Variants in CGNL1 observed in about 807,000 individuals in gnomAD.
CGNL1 encodes cingulin-like protein 1.
In CGNL1, 132 loss-of-function variants were observed where a neutral mutation model predicts 141.2. The observed-to-expected ratio is 0.93, with a 90% CI of 0.81 to 1.08. The LOEUF is 1.08. CGNL1 is among the 50% of genes least tolerant of loss of function. The pLI is 0.00. For synonymous variants in CGNL1, 690 were observed against 622.1 expected (o/e 1.11, Z -1.63); for missense variants, 1,870 against 1,588.6 (o/e 1.18, Z -3.01).
chr15:57,525,294 CAA>C (rs1376899460), intron 12 of CGNL1, among the ~76,000 whole-genome samples: 6 of 152,096 alleles, frequency 3.9e-5, no homozygotes, highest in Non-Finnish European at 5.9e-5. Context: ...CAAAGAAACC[CAA>C]ATGCTAGCTC....
chr15:57,387,573 G>A (rs2062497557), intron 1 of CGNL1, among the ~76,000 whole-genome samples: 1 of 152,144 alleles, frequency 6.6e-6, no homozygotes, highest in Admixed American at 6.5e-5. Context: ...TAGGGGCCCT[G>A]AGTGGTGCTT....
chr15:57,486,216 G>A (rs2063783436), intron 8 of CGNL1, among the ~76,000 whole-genome samples: 1 of 152,168 alleles, frequency 6.6e-6, no homozygotes, highest in Non-Finnish European at 1.5e-5. Context: ...ATGTGGTCAA[G>A]GAATTTGGTC....
intron 1 of CGNL1, among the ~76,000 whole-genome samples, chr15:57,430,053 C>T (rs961774821): frequency 5.3e-5 from 8 of 152,224 alleles, no homozygotes; most frequent in Admixed American, 6.5e-5. Flanking sequence ...TCAAGTGACC[C>T]ACCTGCCTCA....
intron 1 of CGNL1, among the ~76,000 whole-genome samples, chr15:57,386,171 A>G (rs1186683489): frequency 6.6e-6 from 1 of 152,240 alleles, no homozygotes; most frequent in Non-Finnish European, 1.5e-5. Context: ...ATAAATAGCC[A>G]TGCTAAAACC....
chr15:57,543,569 G>A (rs532244766), intron 14 of CGNL1, 127 bp from the exon 15 acceptor site: 8 of 749,658 alleles, frequency 1.1e-5, no homozygotes, highest in East Asian at 5.4e-5. Context: ...CAGATGGCAC[G>A]AGGGGCTGGG....
chr15:57,476,033 A>G (rs2063652423), intron 8 of CGNL1, among the ~76,000 whole-genome samples: 2 of 152,126 alleles, frequency 1.3e-5, no homozygotes, highest in Admixed American at 6.5e-5. Flanking sequence ...TCAACACATC[A>G]AGCATCATGC....
rs753839950 is a variant in CGNL1 at position 57,438,269 on chromosome 15, T to C, written c.270T>C (p.Asn90=). The part of the protein sequence containing the change: ...VINNLPLHSS[N]GSVPKENSEE... Reference sequence around the variant, plus strand: ...ATAACCTGCCTCTACATTCCAGCAATGGTTCTGTGCCAAAGGAGAACAGTG... The same window carrying C: ...ATAACCTGCCTCTACATTCCAGCAACGGTTCTGTGCCAAAGGAGAACAGTG... The change falls in exon 2 of 19, where the codon AAT becomes AAC. Residue 90 remains asparagine (N), a synonymous_variant. Transcript: ENST00000281282. 1.6e-5 allele frequency: 26 copies of C among 1,614,062 alleles called. No homozygotes were observed. The highest frequency in any genetic ancestry group is 3.4e-6 in the Non-Finnish European group (4 of 1,180,038).
In CGNL1 at chr15:57,435,288, A is replaced by G. The variant is rs116203760; in HGVS notation, c.-15-2697A>G. ...TATTGGTAGGTTAGCCAAGTGAGAG[A>G]CTTGTATGTATGGTGTGGTATCCAC... On this transcript the variant is annotated intron_variant, in intron 1 of 18. Transcript: ENST00000281282. Among the ~76,000 whole-genome samples the G allele has an allele frequency of 7.3e-3, 1,106 of 152,158 alleles. 16 individuals are homozygous for G. Among genetic ancestry groups the G allele is most frequent in the African/African-American group, 0.025 (1,029 of 41,538 alleles).
At chr15:57,510,289 A>T (rs1217322353) in intron 8 of CGNL1, among the ~76,000 whole-genome samples, 1 of 152,232 alleles carries the variant, frequency 6.6e-6, no homozygotes, top group African/African-American at 2.4e-5. Flanking sequence ...GGGCAACTTC[A>T]TCCCCCTTCT....
chr15:57,458,177 C>T (rs1020467047), intron 7 of CGNL1, among the ~76,000 whole-genome samples: 4 of 152,220 alleles, frequency 2.6e-5, no homozygotes, highest in Non-Finnish European at 5.9e-5. Context: ...TTCTAGCTCT[C>T]GCCACTCCCA....
At chr15:57,517,083 A>G (rs2030872395) in intron 9 of CGNL1, 97 bp downstream of exon 9, 14 of 1,193,678 alleles carry the variant, frequency 1.2e-5, no homozygotes, top group Middle Eastern at 2.8e-4. Flanking sequence ...TATTGTCATG[A>G]TGTAGTAGGA....
In CGNL1 at chr15:57,440,251, A is replaced by G. The variant is rs8027323; in HGVS notation, c.1603-126A>G. 0.014 allele frequency: 9,969 copies of G among 693,744 alleles called. 665 individuals are homozygous for G. The African/African-American group carries it at 0.16, about 11-fold the overall frequency. 43.0% of individuals were successfully genotyped at this position (693,744 alleles called of 1,614,324 possible). ...CGAGGAGAAGTTAAGTAACTTCCCC[A>G]AGATTATGAAGCTGGTAAATGTTGT... On this transcript the variant is annotated intron_variant, in intron 2 of 18. Coordinates refer to ENST00000281282, the MANE Select transcript of CGNL1 (RefSeq NM_032866.5).
At position 57,531,793 on chromosome 15, in the gene CGNL1, G is replaced by A; in HGVS notation, c.3291+14G>A. ...AGCAGGGAACAGGTACTATTCTATA[G>A]GTGAATGATGCGTGGATTGTCCTGT... On this transcript the variant is annotated intron_variant, in intron 14 of 18. Coordinates refer to ENST00000281282, the MANE Select transcript of CGNL1 (RefSeq NM_032866.5). The A allele has an allele frequency of 6.8e-7, 1 of 1,460,658 alleles. No homozygotes were observed. Among genetic ancestry groups the A allele is most frequent in the Non-Finnish European group, 9.6e-7 (1 of 1,040,148 alleles). The allele number at this position is 1,460,658 out of a possible 1,614,324, so 90.5% of individuals were successfully genotyped here. A position where few individuals can be genotyped will look rare whatever the true frequency, so the allele number is the denominator to read the frequency against.
At chr15:57,494,423 A>T (rs2063908064) in intron 8 of CGNL1, among the ~76,000 whole-genome samples, 1 of 152,110 alleles carries the variant, frequency 6.6e-6, no homozygotes, top group African/African-American at 2.4e-5. Flanking sequence ...CACCTCTGCC[A>T]CCACCCTTTT....
intron 2 of CGNL1, 49 bp from the exon 3 acceptor site, chr15:57,440,328 C>T (rs1423320766): frequency 1.5e-6 from 2 of 1,374,958 alleles, no homozygotes; most frequent in African/African-American, 2.9e-5. Context: ...TGTTTGGAAG[C>T]CTCTGGGAAC....
chr15:57,523,347 G>A (rs1170114360), intron 10 of CGNL1, 142 bp from the exon 11 acceptor site: 1 of 710,582 alleles, frequency 1.4e-6, no homozygotes, highest in Non-Finnish European at 2.3e-6. Flanking sequence ...ATCTCTGACA[G>A]CTTTATTTTG....
At chr15:57,496,997 G>A (rs185615811) in intron 8 of CGNL1, among the ~76,000 whole-genome samples, 112 of 152,300 alleles carry the variant, frequency 7.4e-4, no homozygotes, top group African/African-American at 2.5e-3. Context: ...TTGCATCCAC[G>A]TTGTGTGGAA....
chr15:57,492,438 CTTTG>C (rs2063878610), intron 8 of CGNL1, among the ~76,000 whole-genome samples: 2 of 152,176 alleles, frequency 1.3e-5, no homozygotes, highest in Admixed American at 1.3e-4. Context: ...AGATTTGCAA[CTTTG>C]TTTATACATT....
intron 2 of CGNL1, among the ~76,000 whole-genome samples, chr15:57,440,108 G>GGAA (rs2063166338): frequency 1.0e-5 from 1 of 97,824 alleles, no homozygotes; most frequent in African/African-American, 3.1e-5. Flanking sequence ...TGATAAAATG[G>GGAA]TAAAAAAAAA....
Sources: gnomAD v4.1 joint callset for allele counts (sites outside exome capture counted in the v4.1 genomes callset) on GRCh38, gnomAD v4.1.1 for gene constraint, MANE v1.5 for transcripts, NCBI Gene and HGNC (gene_info 2026-07-23, HGNC 2026-07-21) for gene names.